The following AFTPH variants were observed in gnomAD, a reference collection of about 807,000 sequenced individuals.
The protein encoded by AFTPH is aftiphilin.
Under a neutral mutation model 72.5 loss-of-function variants are expected in AFTPH, and 7 were observed. The observed-to-expected ratio is 0.10, with a 90% CI of 0.05 to 0.18. The LOEUF (loss-of-function observed/expected upper bound fraction) is 0.18, where lower values mean the gene tolerates loss of function less well. AFTPH is among the 10% of genes least tolerant of loss of function. The pLI is 1.00. For synonymous variants in AFTPH, 337 were observed against 370.1 expected, an observed-to-expected ratio of 0.91 and a Z score of 1.03; for missense variants, 979 against 1,060.5, an observed-to-expected ratio of 0.92 and a Z score of 1.07.
At chr2:64,570,854 A>G (rs1302305089) in intron 5 of AFTPH, among the ~76,000 whole-genome samples, 1 of 148,160 alleles carries the variant, frequency 6.7e-6, no homozygotes, top group Non-Finnish European at 1.5e-5. Context: ...TTATTTTTCA[A>G]CCTTTATTAG....
chr2:64,588,750 TTTTG>T (rs916138864), intron 8 of AFTPH, among the ~76,000 whole-genome samples: 7 of 152,170 alleles, frequency 4.6e-5, no homozygotes, highest in Non-Finnish European at 4.4e-5. Flanking sequence ...CCTTTGCCTT[TTTTG>T]TTTTTGTTTT....
intron 2 of AFTPH, among the ~76,000 whole-genome samples, chr2:64,559,003 A>G (rs1017849468): frequency 2.0e-5 from 3 of 152,190 alleles, no homozygotes; most frequent in African/African-American, 7.2e-5. Flanking sequence ...AAAATGTGCA[A>G]ACTCCACACA....
At chr2:64,579,008 T>G (rs1673001566) in intron 6 of AFTPH, 1 of 152,710 alleles carries the variant, frequency 6.5e-6, no homozygotes, top group African/African-American at 2.4e-5. Context: ...AATTTCTAAA[T>G]GAAAGAAGTT....
At chr2:64,539,884 TTGG>T (rs1378450393) in intron 1 of AFTPH, among the ~76,000 whole-genome samples, 2 of 152,056 alleles carry the variant, frequency 1.3e-5, no homozygotes, top group African/African-American at 4.8e-5. Context: ...TTCAAGAAGC[TTGG>T]TGGTGAGGAG....
At chr2:64,586,712 G>A (rs1448899775) in intron 8 of AFTPH, among the ~76,000 whole-genome samples, 1 of 152,106 alleles carries the variant, frequency 6.6e-6, no homozygotes. Flanking sequence ...CCATGTCTTT[G>A]CAGTATGCCA....
chr2:64,560,383 AAAT>A (rs1178595712), intron 2 of AFTPH, among the ~76,000 whole-genome samples: 1 of 152,224 alleles, frequency 6.6e-6, no homozygotes, highest in African/African-American at 2.4e-5. Context: ...CTGGTTTAAA[AAAT>A]AATAATAATT....
chr2:64,551,112 G>A (rs1671019188), intron 1 of AFTPH, among the ~76,000 whole-genome samples: 1 of 152,162 alleles, frequency 6.6e-6, no homozygotes, highest in African/African-American at 2.4e-5. Flanking sequence ...TACCCCAGGA[G>A]AGAATTTTGT....
chr2:64,544,511 C>T (rs930463210), intron 1 of AFTPH, among the ~76,000 whole-genome samples: 3 of 152,038 alleles, frequency 2.0e-5, no homozygotes, highest in Admixed American at 6.6e-5. Context: ...GAAAGTAGTC[C>T]ATTACGAAGG....
At chr2:64,580,174 C>T (rs1278187808) in intron 7 of AFTPH, 1 of 152,578 alleles carries the variant, frequency 6.6e-6, no homozygotes, top group Non-Finnish European at 1.5e-5. Flanking sequence ...GTAATGTGGG[C>T]TCTTTAAAAT....
intron 2 of AFTPH, among the ~76,000 whole-genome samples, chr2:64,564,640 T>TAAA (rs1558618104): frequency 8.2e-5 from 5 of 60,988 alleles, no homozygotes; most frequent in East Asian, 5.4e-4. Flanking sequence ...AAAAATAAAA[T>TAAA]AAATAAATGC....
chr2:64,563,366 TCA>T (rs1671853877), intron 2 of AFTPH, among the ~76,000 whole-genome samples: 1 of 152,228 alleles, frequency 6.6e-6, no homozygotes, highest in African/African-American at 2.4e-5. Context: ...TTTGCCACTC[TCA>T]CAGTTTTGAT....
intron 1 of AFTPH, among the ~76,000 whole-genome samples, chr2:64,547,384 A>G (rs538269761): frequency 2.0e-5 from 3 of 152,284 alleles, no homozygotes; most frequent in African/African-American, 7.2e-5. Context: ...TTTTGACAGG[A>G]TATCCCAGAA....
intron 1 of AFTPH, among the ~76,000 whole-genome samples, chr2:64,536,765 C>T (rs1669913627): frequency 6.6e-6 from 1 of 151,496 alleles, no homozygotes; most frequent in African/African-American, 2.4e-5. Context: ...CCAGCCTGGG[C>T]AACATGGCGA....
chr2:64,591,514 A>C (rs1673823322), intron 8 of AFTPH, among the ~76,000 whole-genome samples: 1 of 152,242 alleles, frequency 6.6e-6, no homozygotes, highest in Non-Finnish European at 1.5e-5. Context: ...AAACCCAGTT[A>C]GGTGGAGTGT....
intron 7 of AFTPH, among the ~76,000 whole-genome samples, chr2:64,584,593 ATTTTTTTTTT>A (rs5831705): frequency 8.5e-6 from 1 of 117,008 alleles, no homozygotes; most frequent in African/African-American, 3.4e-5. Flanking sequence ...CTTAGTCATG[ATTTTTTTTTT>A]TTTTTTTTTT....
intron 2 of AFTPH, among the ~76,000 whole-genome samples, chr2:64,561,786 T>C (rs1671759767): frequency 6.6e-6 from 1 of 152,266 alleles, no homozygotes; most frequent in Non-Finnish European, 1.5e-5. Flanking sequence ...ATTTATTTGT[T>C]ACCTTCATAT....
intron 1 of AFTPH, among the ~76,000 whole-genome samples, chr2:64,549,153 A>G (rs956509509): frequency 1.3e-5 from 2 of 152,092 alleles, no homozygotes; most frequent in Admixed American, 6.6e-5. Context: ...ATCTTAGGAA[A>G]TTTTATTCTG....
intron 1 of AFTPH, among the ~76,000 whole-genome samples, chr2:64,527,530 A>G (rs1334197783): frequency 6.6e-6 from 1 of 151,834 alleles, no homozygotes; most frequent in Non-Finnish European, 1.5e-5. Flanking sequence ...CAGTGAGCTG[A>G]GATCATGCCA....
intron 1 of AFTPH, among the ~76,000 whole-genome samples, chr2:64,529,315 G>T (rs200078842): frequency 1.4e-5 from 2 of 145,996 alleles, no homozygotes; most frequent in Admixed American, 6.8e-5. Context: ...CCTTTTTGAA[G>T]TTTTTTTTTT....
Sources: allele counts gnomAD v4.1 joint callset (sites outside exome capture counted in the v4.1 genomes callset), GRCh38; gene constraint gnomAD v4.1.1; transcripts MANE v1.5; gene names NCBI Gene and HGNC (gene_info 2026-07-23, HGNC 2026-07-21).